Variants in FGF14 observed in about 807,000 individuals in gnomAD.
The protein encoded by FGF14 is fibroblast growth factor 14.
Under a neutral mutation model 25.5 loss-of-function variants are expected in FGF14, and 5 were observed. The observed-to-expected ratio is 0.20, with a 90% CI of 0.10 to 0.41. The LOEUF is 0.41. Among genes scored for constraint, FGF14 ranks in the 10% least tolerant of loss-of-function variants. FGF14 has a pLI of 1.00. For missense variants in FGF14, 222 were observed against 320.1 expected (o/e 0.69, Z 2.34); for synonymous variants, 138 against 118.3 (o/e 1.17, Z -1.08).
chr13:102,204,135 G>A (rs1299840370), intron 1 of FGF14, among the ~76,000 whole-genome samples: 3 of 152,164 alleles, frequency 2.0e-5, no homozygotes, highest in Non-Finnish European at 4.4e-5. Flanking sequence ...TTCAGATTCG[G>A]GCAGGTTTTA....
rs143742349 is a variant in FGF14, at chr13:102,384,940, T to G, written c.208+16531A>C. 4.7e-3 allele frequency among the ~76,000 whole-genome samples: 710 copies of G among 152,326 alleles called. 5 individuals carry two copies. Among genetic ancestry groups the G allele is most frequent in the Middle Eastern group, 0.01 (3 of 294 alleles). ...GCACCTACACCAGAGATTTTCACCT[T>G]TTGTTCTTTTACATAAAAGATTAAT... On this transcript the variant is annotated intron_variant, in intron 1 of 4. Coordinates refer to the FGF14 transcript ENST00000376131.
intron 1 of FGF14, among the ~76,000 whole-genome samples, chr13:102,360,016 A>G (rs1415713986): frequency 2.2e-5 from 3 of 136,536 alleles, no homozygotes; most frequent in Non-Finnish European, 4.7e-5. Context: ...AAACACGATG[A>G]TGTCTTTAAA....
chr13:101,971,910 A>G (rs1222797258), intron 1 of FGF14, among the ~76,000 whole-genome samples: 1 of 152,248 alleles, frequency 6.6e-6, no homozygotes, highest in African/African-American at 2.4e-5. Context: ...TGTATTCTAC[A>G]TGGCAGGGCC....
chr13:101,739,088 AGTATATATATATATATATACAT>A (rs1200047352), intron 3 of FGF14, among the ~76,000 whole-genome samples: 2 of 111,578 alleles, frequency 1.8e-5, no homozygotes, highest in African/African-American at 6.8e-5. Context: ...ATACTTTAAC[AGTATATATATATATATATACAT>A]GTATATATAT....
rs74521915 is a variant in FGF14 at position 101,817,642 on chromosome 13, G to C, written c.408+51083C>G. On this transcript the variant is annotated intron_variant, in intron 3 of 4. Transcript: ENST00000376143. ...ACTTTTTCCCTTTAACTGGTGAAAA[G>C]TTGGAGAAATAAAGAGGTTACATTC... Among the ~76,000 whole-genome samples, 600 of 152,246 alleles carry C rather than the reference G, an allele frequency of 3.9e-3. 4 individuals carry two copies. Among genetic ancestry groups the C allele is most frequent in the Non-Finnish European group, 6.5e-3 (440 of 68,012 alleles).
At chr13:102,279,533 G>A (rs921997741) in intron 1 of FGF14, among the ~76,000 whole-genome samples, 1 of 151,882 alleles carries the variant, frequency 6.6e-6, no homozygotes, top group African/African-American at 2.4e-5. Flanking sequence ...CTATTACTTT[G>A]TTCCTCATTT....
rs752361237 is a variant in FGF14 at position 101,714,424 on chromosome 13, CT to C, written c.*8406del. 1 of 1,455,822 alleles carries C rather than the reference CT, an allele frequency of 6.9e-7. No individual in the cohort carries two copies. The highest frequency in any genetic ancestry group is 1.4e-5 in the African/African-American group (1 of 72,112). 90.2% of individuals were successfully genotyped at this position (1,455,822 alleles called of 1,614,324 possible). A position where few individuals can be genotyped will look rare whatever the true frequency, so the allele number is the denominator to read the frequency against. On this transcript the variant is annotated 3_prime_UTR_variant, in exon 5 of 5. Transcript: ENST00000376143. Reference sequence around the variant, plus strand: ...TTATAAGGTGATGGTGAGTAATAGCCTTTGTAATTTCAGGTTCTTGTCATTG... The same window carrying C: ...TTATAAGGTGATGGTGAGTAATAGCCTTGTAATTTCAGGTTCTTGTCATTG...
intron 3 of FGF14, among the ~76,000 whole-genome samples, chr13:101,850,168 T>C (rs2043677543): frequency 6.7e-6 from 1 of 149,312 alleles, no homozygotes; most frequent in Admixed American, 6.8e-5. Context: ...GCACGCTGGC[T>C]CACACCTATA....
At chr13:101,868,328 C>A (rs556327018) in intron 3 of FGF14, 35 of 196,758 alleles carry the variant, frequency 1.8e-4, no homozygotes, top group African/African-American at 7.6e-4. Context: ...GTAAAATATC[C>A]ACACAATTTG....
In FGF14 at chr13:102,399,881, T is replaced by C. The variant is rs545233475; in HGVS notation, c.208+1590A>G. Among the ~76,000 whole-genome samples, 63 of 152,128 alleles carry C rather than the reference T, an allele frequency of 4.1e-4. 1 individual carries two copies. The highest frequency in any genetic ancestry group is 1.5e-3 in the African/African-American group (61 of 41,486). On this transcript the variant is annotated intron_variant, in intron 1 of 4. Coordinates refer to the FGF14 transcript ENST00000376131. ...CCGAGTCCACGGAGCAGCCAGAGGC[T>C]ACTACCAGAGCCTCAATTGCCACCC...
At chr13:102,308,871 A>G (rs1272768410) in intron 1 of FGF14, among the ~76,000 whole-genome samples, 2 of 149,624 alleles carry the variant, frequency 1.3e-5, no homozygotes, top group African/African-American at 4.9e-5. Flanking sequence ...GCAAACATCC[A>G]GACTTCGGAG....
At chr13:102,096,589 G>A (rs910517897) in intron 1 of FGF14, among the ~76,000 whole-genome samples, 3 of 152,138 alleles carry the variant, frequency 2.0e-5, no homozygotes, top group Non-Finnish European at 2.9e-5. Context: ...CAAGAAAGGC[G>A]ATTATATTTA....
intron 3 of FGF14, among the ~76,000 whole-genome samples, chr13:101,813,967 A>C (rs992962318): frequency 4.6e-5 from 7 of 152,248 alleles, no homozygotes; most frequent in African/African-American, 1.7e-4. Context: ...CAAAGGACCT[A>C]GTATTGACAT....
chr13:101,821,023 C>A, intron 3 of FGF14, among the ~76,000 whole-genome samples: 1 of 148,466 alleles, frequency 6.7e-6, no homozygotes, highest in African/African-American at 2.5e-5. Flanking sequence ...TCTCGGCTCA[C>A]TGCAGGCTCC....
At chr13:102,250,817 C>T (rs74109565) in intron 1 of FGF14, among the ~76,000 whole-genome samples, 4,072 of 152,262 alleles carry the variant, frequency 0.027, 173 homozygotes, top group African/African-American at 0.092. Flanking sequence ...TCCCGTAAAA[C>T]ATATTTAGGA....
chr13:102,245,981 G>A (rs1001024201), intron 1 of FGF14, among the ~76,000 whole-genome samples: 2 of 151,968 alleles, frequency 1.3e-5, no homozygotes, highest in African/African-American at 4.8e-5. Flanking sequence ...ACTTGCAATT[G>A]ATCACGATAC....
intron 3 of FGF14, among the ~76,000 whole-genome samples, chr13:101,783,290 G>A (rs985491254): frequency 6.6e-6 from 1 of 151,952 alleles, no homozygotes; most frequent in Non-Finnish European, 1.5e-5. Context: ...GACAACATGG[G>A]AAAACCCTGT....
intron 3 of FGF14, among the ~76,000 whole-genome samples, chr13:101,803,993 T>C (rs2041053898): frequency 6.6e-6 from 1 of 151,408 alleles, no homozygotes; most frequent in South Asian, 2.1e-4. Context: ...TGTGTGAGGC[T>C]GGAAAGGGCA....
At chr13:102,395,308 C>T (rs1312573507) in intron 1 of FGF14, 1 of 152,174 alleles carries the variant, frequency 6.6e-6, no homozygotes, top group Non-Finnish European at 1.5e-5. Context: ...GGTCTGGCAA[C>T]TATGAACCTA....
Sources: gnomAD v4.1 joint callset for allele counts (sites outside exome capture counted in the v4.1 genomes callset) on GRCh38, gnomAD v4.1.1 for gene constraint, MANE v1.5 for transcripts, NCBI Gene and HGNC (gene_info 2026-07-23, HGNC 2026-07-21) for gene names.